SPAG16: variants seen among roughly 807,000 people sequenced by gnomAD.
SPAG16 encodes sperm-associated antigen 16 protein.
A neutral mutation model predicts 80.4 loss-of-function variants in SPAG16; 86 were observed. That is an observed-to-expected ratio of 1.07 (90% CI 0.90 to 1.28). SPAG16 has a LOEUF of 1.28. SPAG16 is among the 50% of genes most tolerant of loss of function. SPAG16 has a pLI of 0.00. For missense variants in SPAG16, 870 were observed against 765.3 expected, an observed-to-expected ratio of 1.14 and a Z score of -1.61; for synonymous variants, 294 against 265.9, an observed-to-expected ratio of 1.11 and a Z score of -1.03.
intron 10 of SPAG16, among the ~76,000 whole-genome samples, chr2:213,499,873 A>G (rs184733576): frequency 1.2e-4 from 18 of 152,206 alleles, no homozygotes; most frequent in Middle Eastern, 3.4e-3. Context: ...TCATCCCCCA[A>G]TTCTCATACG....
chr2:214,059,260 G>GTATATATA (rs34712920), intron 13 of SPAG16, among the ~76,000 whole-genome samples: 39 of 132,986 alleles, frequency 2.9e-4, no homozygotes, highest in African/African-American at 4.9e-4. Context: ...ATATATGTAT[G>GTATATATA]TATATATATA....
At chr2:213,633,469 A>G (rs554844000) in intron 10 of SPAG16, among the ~76,000 whole-genome samples, 2 of 152,260 alleles carry the variant, frequency 1.3e-5, no homozygotes, top group South Asian at 4.1e-4. Context: ...AGAATGATCC[A>G]TTTGCTGAGT....
intron 10 of SPAG16, among the ~76,000 whole-genome samples, chr2:213,771,611 T>A (rs2069254078): frequency 6.6e-6 from 1 of 152,194 alleles, no homozygotes; most frequent in Admixed American, 6.5e-5. Flanking sequence ...CTTTAATCCA[T>A]CTTGAATTAA....
At chr2:213,824,344 A>G (rs902098483) in intron 10 of SPAG16, among the ~76,000 whole-genome samples, 7 of 152,172 alleles carry the variant, frequency 4.6e-5, no homozygotes, top group African/African-American at 1.7e-4. Context: ...AGCTTCCCCA[A>G]TGTTTTCTTT....
chr2:213,482,557 TTTTA>T (rs930691790), intron 9 of SPAG16, among the ~76,000 whole-genome samples: 46 of 152,238 alleles, frequency 3.0e-4, no homozygotes, highest in Non-Finnish European at 5.0e-4. Flanking sequence ...AGAATTTTTA[TTTTA>T]TTTATTTATT....
intron 13 of SPAG16, among the ~76,000 whole-genome samples, chr2:214,042,551 T>A (rs768394465): frequency 2.6e-5 from 4 of 152,170 alleles, no homozygotes; most frequent in African/African-American, 9.7e-5. Flanking sequence ...GTTTTCCCCC[T>A]ATCTCATCAT....
intron 7 of SPAG16, among the ~76,000 whole-genome samples, chr2:213,354,204 A>G (rs1412994600): frequency 6.6e-6 from 1 of 152,196 alleles, no homozygotes; most frequent in Non-Finnish European, 1.5e-5. Context: ...GTTCATGTCA[A>G]AGGACATGAA....
At chr2:214,057,240 A>G (rs1247187222) in intron 13 of SPAG16, among the ~76,000 whole-genome samples, 1 of 148,610 alleles carries the variant, frequency 6.7e-6, no homozygotes, top group East Asian at 2.0e-4. Context: ...TATGGCAGCT[A>G]TACCTTATAA....
intron 15 of SPAG16, among the ~76,000 whole-genome samples, chr2:214,342,571 C>T (rs1048529300): frequency 2.6e-5 from 4 of 151,764 alleles, no homozygotes; most frequent in African/African-American, 4.8e-5. Context: ...CAGGAAAACA[C>T]GCTCAGGGCT....
chr2:214,180,831 T>C (rs957861912), intron 15 of SPAG16, among the ~76,000 whole-genome samples: 1 of 151,876 alleles, frequency 6.6e-6, no homozygotes. Context: ...ATATTGAATC[T>C]GAAAGTTCTC....
At chr2:213,845,032 G>A (rs781622949) in intron 10 of SPAG16, among the ~76,000 whole-genome samples, 2 of 152,224 alleles carry the variant, frequency 1.3e-5, no homozygotes, top group Non-Finnish European at 2.9e-5. Flanking sequence ...ATTCAAATGG[G>A]CAATCTCTTC....
At chr2:214,029,704 A>G (rs1042825179) in intron 13 of SPAG16, among the ~76,000 whole-genome samples, 1 of 152,106 alleles carries the variant, frequency 6.6e-6, no homozygotes, top group Non-Finnish European at 1.5e-5. Flanking sequence ...ACTTAACTCT[A>G]TGCCTTTCCC....
intron 10 of SPAG16, among the ~76,000 whole-genome samples, chr2:213,697,891 C>T (rs2065230313): frequency 6.6e-6 from 1 of 152,164 alleles, no homozygotes; most frequent in Non-Finnish European, 1.5e-5. Flanking sequence ...TAGCTACCAT[C>T]CCTTTTTATA....
intron 10 of SPAG16, among the ~76,000 whole-genome samples, chr2:213,519,489 T>G (rs2075577059): frequency 6.6e-6 from 1 of 152,200 alleles, no homozygotes; most frequent in Non-Finnish European, 1.5e-5. Context: ...CTGCAAAAGC[T>G]CTTTGCCTGC....
At chr2:214,092,332 C>T (rs945243644) in intron 13 of SPAG16, among the ~76,000 whole-genome samples, 4 of 152,078 alleles carry the variant, frequency 2.6e-5, no homozygotes, top group Admixed American at 2.6e-4. Flanking sequence ...TGAAAGTACT[C>T]TCTTCCCCAC....
intron 10 of SPAG16, among the ~76,000 whole-genome samples, chr2:213,546,543 C>T (rs1045581567): frequency 5.3e-5 from 8 of 151,968 alleles, no homozygotes; most frequent in South Asian, 2.1e-4. Flanking sequence ...TACTAAATCT[C>T]GGTAACTGTG....
chr2:214,296,668 T>C (rs1335657192), intron 15 of SPAG16, among the ~76,000 whole-genome samples: 1 of 152,220 alleles, frequency 6.6e-6, no homozygotes, highest in African/African-American at 2.4e-5. Flanking sequence ...TACATGTTTA[T>C]TAGCCACTTG....
chr2:213,814,617 C>T (rs1168740801), intron 10 of SPAG16, among the ~76,000 whole-genome samples: 1 of 152,106 alleles, frequency 6.6e-6, no homozygotes, highest in South Asian at 2.1e-4. Context: ...TAGTAAAACC[C>T]TGCCTCTACT....
intron 9 of SPAG16, among the ~76,000 whole-genome samples, chr2:213,468,375 C>CTA (rs1559162502): frequency 7.0e-6 from 1 of 142,642 alleles, no homozygotes; most frequent in African/African-American, 2.6e-5. Context: ...ATATCTCTCT[C>CTA]TATATATATA....
Sources: allele counts gnomAD v4.1 joint callset (sites outside exome capture counted in the v4.1 genomes callset), GRCh38; gene constraint gnomAD v4.1.1; transcripts MANE v1.5; gene names NCBI Gene and HGNC (gene_info 2026-07-23, HGNC 2026-07-21).